Variants in PRKAG2 observed in about 807,000 individuals in gnomAD.
PRKAG2 encodes the protein protein kinase AMP-activated non-catalytic subunit gamma 2.
In PRKAG2, 26 loss-of-function variants were observed where a neutral mutation model predicts 69.6. The ratio of observed to expected loss-of-function variants is 0.37; its 90% confidence interval spans 0.27 to 0.52. The LOEUF is 0.52. Ranked by LOEUF, PRKAG2 falls within the 20% of genes least tolerant of loss-of-function variation. The pLI is 0.90. For missense variants in PRKAG2, 557 were observed against 740.0 expected (o/e 0.75, Z 2.87); for synonymous variants, 293 against 285.0 (o/e 1.03, Z -0.28).
At chr7:151,570,985 G>A (rs1023185410) in intron 9 of PRKAG2, among the ~76,000 whole-genome samples, 1 of 151,918 alleles carries the variant, frequency 6.6e-6, no homozygotes, top group African/African-American at 2.4e-5. Context: ...TGGCCAGGCT[G>A]GTCTCGCACT....
intron 5 of PRKAG2, among the ~76,000 whole-genome samples, chr7:151,625,927 G>A (rs918719335): frequency 1.3e-5 from 2 of 152,202 alleles, no homozygotes; most frequent in Non-Finnish European, 2.9e-5. Flanking sequence ...CTCCAGGAGG[G>A]AGGGGAATCG....
chr7:151,742,635 A>T (rs11761557), intron 3 of PRKAG2, among the ~76,000 whole-genome samples: 72,276 of 151,470 alleles, frequency 0.48, 17,643 homozygotes, highest in African/African-American at 0.58. Context: ...CAAAAAAAAA[A>T]AAAATAAAAT....
chr7:151,852,958 G>T (rs532963260), intron 1 of PRKAG2, among the ~76,000 whole-genome samples: 14 of 152,362 alleles, frequency 9.2e-5, no homozygotes, highest in African/African-American at 3.4e-4. Flanking sequence ...GCAACCCCAG[G>T]ACTGGCTGTT....
chr7:151,675,043 T>A (rs1832681878), intron 4 of PRKAG2: 1 of 350,114 alleles, frequency 2.9e-6, no homozygotes, highest in African/African-American at 2.1e-5. Context: ...TGCCTCAGCC[T>A]CCCGAGTAGT....
In PRKAG2 at chr7:151,829,704, G is replaced by A. The variant is rs1462296265; in HGVS notation, c.115-43163C>T. The stretch of plus-strand genomic sequence containing the variant: ...TATTATCCAGCCCATAGAAAGGAAG[G>A]ACTGATACATGGTACAACATGGATG... On this transcript the variant is annotated intron_variant, in intron 1 of 15. Transcript: ENST00000287878. Among the ~76,000 whole-genome samples the A allele has an allele frequency of 3.3e-5, 5 of 151,964 alleles. 1 individual carries two copies. The highest frequency in any genetic ancestry group is 6.6e-5 in the Admixed American group (1 of 15,248).
At chr7:151,649,994 C>G (rs1585494657) in intron 4 of PRKAG2, among the ~76,000 whole-genome samples, 1 of 152,180 alleles carries the variant, frequency 6.6e-6, no homozygotes, top group Non-Finnish European at 1.5e-5. Context: ...CCGACACACA[C>G]CCCTGTATGT....
intron 1 of PRKAG2, among the ~76,000 whole-genome samples, chr7:151,873,308 A>G (rs886472969): frequency 6.6e-6 from 1 of 152,174 alleles, no homozygotes; most frequent in African/African-American, 2.4e-5. Flanking sequence ...CTCTGGGTGT[A>G]AAGTCTCTCT....
chr7:151,768,568 C>T (rs1035964346), intron 3 of PRKAG2, among the ~76,000 whole-genome samples: 39 of 152,158 alleles, frequency 2.6e-4, no homozygotes, highest in African/African-American at 7.5e-4. Flanking sequence ...TGAGTTCAAG[C>T]GATCCTCCTG....
chr7:151,774,419 T>C (rs1196382198), intron 3 of PRKAG2, among the ~76,000 whole-genome samples: 1 of 152,200 alleles, frequency 6.6e-6, no homozygotes, highest in East Asian at 1.9e-4. Flanking sequence ...CTTAGAAGAT[T>C]GAATTACCTC....
At chr7:151,778,863 G>A (rs2076530576) in intron 3 of PRKAG2, among the ~76,000 whole-genome samples, 1 of 152,044 alleles carries the variant, frequency 6.6e-6, no homozygotes, top group Non-Finnish European at 1.5e-5. Flanking sequence ...GCTACCACTA[G>A]CAGTCCAATG....
chr7:151,786,400 G>T, intron 2 of PRKAG2, 70 bp downstream of exon 2: 1 of 1,427,310 alleles, frequency 7.0e-7, no homozygotes, highest in Non-Finnish European at 9.7e-7. Context: ...GGTGGAAGTG[G>T]GCTCAGGCTC....
At chr7:151,720,486 C>G (rs1157449203) in intron 3 of PRKAG2, among the ~76,000 whole-genome samples, 1 of 151,596 alleles carries the variant, frequency 6.6e-6, no homozygotes, top group Admixed American at 6.6e-5. Context: ...TTGTGGAAAA[C>G]AATTTTCTTA....
At chr7:151,620,590 GTCT>G (rs1484511145) in intron 5 of PRKAG2, among the ~76,000 whole-genome samples, 1 of 151,952 alleles carries the variant, frequency 6.6e-6, no homozygotes, top group Non-Finnish European at 1.5e-5. Flanking sequence ...CAATCCTCCT[GTCT>G]CAGCCTCCTG....
rs61305140 is a variant in PRKAG2, at chr7:151,828,140, G to A, written c.115-41599C>T. ...AACGCCTGCTACCCAGGGGAGCCCCGACCCCAGGCTGGCCCTGGAATGAGT... is the reference window on the plus strand; with the variant it reads ...AACGCCTGCTACCCAGGGGAGCCCCAACCCCAGGCTGGCCCTGGAATGAGT... On this transcript the variant is annotated intron_variant, in intron 1 of 15. Coordinates refer to ENST00000287878, the MANE Select transcript of PRKAG2 (RefSeq NM_016203.4). This position sits in a 1 kb window ranked among gnomAD's most constrained non-coding sequence, Gnocchi z 4.6. 3.9e-3 allele frequency among the ~76,000 whole-genome samples: 590 copies of A among 152,336 alleles called. 25 individuals carry two copies. In the East Asian group the frequency reaches 0.094, roughly 24 times the overall value.
At chr7:151,751,305 G>A (rs1338300238) in intron 3 of PRKAG2, among the ~76,000 whole-genome samples, 2 of 151,452 alleles carry the variant, frequency 1.3e-5, no homozygotes, top group African/African-American at 2.4e-5. Context: ...TAGTAGAGAC[G>A]GGGTTTCACC....
At chr7:151,761,771 A>C (rs906872789) in intron 3 of PRKAG2, among the ~76,000 whole-genome samples, 4 of 152,194 alleles carry the variant, frequency 2.6e-5, no homozygotes, top group Non-Finnish European at 5.9e-5. Context: ...TCGGGCAATG[A>C]CATTGGTGCT....
In PRKAG2 at chr7:151,562,465, T is replaced by TTAATAATAATAATAA. The variant is rs137999193; in HGVS notation, c.1584+1598_1584+1612dup. On this transcript the variant is annotated intron_variant, in intron 14 of 15. Transcript: ENST00000287878. ...TGTTTCTGTCATAGGTTGCTTTAGG[T>TTAATAATAATAATAA]TAATAATAATAATAATAATAATGGC... 4.0e-5 allele frequency among the ~76,000 whole-genome samples: 6 copies of TTAATAATAATAATAA among 149,606 alleles called. No homozygotes were observed. In the South Asian group the frequency reaches 1.1e-3, roughly 26 times the overall value.
At chr7:151,652,216 A>G (rs1035676935) in intron 4 of PRKAG2, among the ~76,000 whole-genome samples, 10 of 152,186 alleles carry the variant, frequency 6.6e-5, no homozygotes, top group Non-Finnish European at 2.9e-5. Context: ...GCTATCCACA[A>G]TTATCTGAAG....
At chr7:151,622,564 G>A (rs1193400309) in intron 5 of PRKAG2, among the ~76,000 whole-genome samples, 2 of 152,204 alleles carry the variant, frequency 1.3e-5, no homozygotes, top group African/African-American at 4.8e-5. Context: ...CAATGGAGAA[G>A]ACAGAAGCAT....
Sources: allele counts gnomAD v4.1 joint callset (sites outside exome capture counted in the v4.1 genomes callset), GRCh38; gene constraint gnomAD v4.1.1; non-coding constraint Gnocchi (gnomAD v3.1); transcripts MANE v1.5; gene names NCBI Gene and HGNC (gene_info 2026-07-23, HGNC 2026-07-21).